Variants in RBFOX1 observed in about 807,000 individuals in gnomAD.
RBFOX1 encodes RNA binding fox-1 homolog 1.
A neutral mutation model predicts 57.7 loss-of-function variants in RBFOX1; 8 were observed. The observed-to-expected ratio is 0.14, with a 90% confidence interval of 0.08 to 0.25. The LOEUF (loss-of-function observed/expected upper bound fraction) is 0.25, where lower values mean the gene tolerates loss of function less well. RBFOX1 is among the 10% of genes least tolerant of loss of function. RBFOX1 has a pLI of 1.00. For synonymous variants in RBFOX1, 326 were observed against 222.4 expected (o/e 1.47, Z -4.15); for missense variants, 611 against 548.5 (o/e 1.11, Z -1.14).
intron 3 of RBFOX1, among the ~76,000 whole-genome samples, chr16:6,857,282 G>A (rs574222748): frequency 6.6e-6 from 1 of 152,182 alleles, no homozygotes; most frequent in Admixed American, 6.5e-5. Context: ...AACTTATTAG[G>A]AAGAATCCCA....
intron 4 of RBFOX1, among the ~76,000 whole-genome samples, chr16:7,330,516 GTGTGTGTGT>G (rs2096673958): frequency 8.0e-6 from 1 of 124,568 alleles, no homozygotes; most frequent in African/African-American, 3.6e-5. Flanking sequence ...GTGTTTGTGT[GTGTGTGTGT>G]AGAGAGAGAG....
At chr16:6,655,483 G>T (rs1272209218) in intron 3 of RBFOX1, among the ~76,000 whole-genome samples, 3 of 150,378 alleles carry the variant, frequency 2.0e-5, no homozygotes, top group Non-Finnish European at 4.4e-5. Flanking sequence ...TAAGGGGGTA[G>T]GGGGCAATGC....
At chr16:6,318,756 G>C (rs1489746806) in intron 2 of RBFOX1, among the ~76,000 whole-genome samples, 1 of 151,896 alleles carries the variant, frequency 6.6e-6, no homozygotes, top group East Asian at 1.9e-4. Context: ...TCTAAAGAGA[G>C]ACATTAAAAA....
chr16:5,790,344 G>A (rs545922111), intron 3 of RBFOX1, among the ~76,000 whole-genome samples: 7 of 152,146 alleles, frequency 4.6e-5, no homozygotes, highest in Non-Finnish European at 8.8e-5. Flanking sequence ...AGAAACCCCT[G>A]CATTTTCCAT....
At chr16:6,985,499 T>C (rs990982176) in intron 3 of RBFOX1, among the ~76,000 whole-genome samples, 33 of 152,056 alleles carry the variant, frequency 2.2e-4, no homozygotes, top group African/African-American at 7.7e-4. Flanking sequence ...ATTAATTAAC[T>C]AAAGAACACT....
chr16:6,777,079 C>A (rs749206189), intron 3 of RBFOX1, among the ~76,000 whole-genome samples: 6 of 152,004 alleles, frequency 3.9e-5, no homozygotes, highest in Non-Finnish European at 8.8e-5. Flanking sequence ...CTGTGTTAAC[C>A]GTGTTGTATA....
intron 1 of RBFOX1, among the ~76,000 whole-genome samples, chr16:6,294,081 C>G (rs1303529758): frequency 6.6e-6 from 1 of 152,188 alleles, no homozygotes; most frequent in East Asian, 1.9e-4. Flanking sequence ...ACTCAGGAGG[C>G]TGAGACAGGA....
intron 3 of RBFOX1, among the ~76,000 whole-genome samples, chr16:5,822,313 C>T (rs1012739612): frequency 7.9e-5 from 12 of 152,118 alleles, no homozygotes; most frequent in Non-Finnish European, 8.8e-5. Flanking sequence ...GGATAAAAGA[C>T]AACAAATATG....
At chr16:6,332,071 G>A (rs978255568) in intron 2 of RBFOX1, among the ~76,000 whole-genome samples, 3 of 152,188 alleles carry the variant, frequency 2.0e-5, no homozygotes, top group Non-Finnish European at 4.4e-5. Flanking sequence ...GTGTGAGGTA[G>A]CAGGAAAATA....
In RBFOX1 at chr16:7,272,609, C is replaced by T. The variant is rs143323268; in HGVS notation, c.27+220511C>T. 2.6e-5 allele frequency among the ~76,000 whole-genome samples: 4 copies of T among 152,256 alleles called. No homozygotes were observed. In the East Asian group the frequency reaches 5.8e-4, roughly 22 times the overall value. ...AGGACAGGAAAGCAGTGCTGAGCAG[C>T]CAGGCCTCTGGATCCTTCTTCTCCA... On this transcript the variant is annotated intron_variant, in intron 4 of 15. Transcript: ENST00000550418.
chr16:5,475,738 C>T lies in RBFOX1; in HGVS notation c.258+8484C>T, dbSNP rs561667665. 5.3e-5 allele frequency among the ~76,000 whole-genome samples: 8 copies of T among 152,278 alleles called. No individual in the cohort carries two copies. The East Asian group carries it at 1.5e-3, about 29-fold the overall frequency. On this transcript the variant is annotated intron_variant, in intron 2 of 2. Coordinates refer to the RBFOX1 transcript ENST00000585867. ...GAGTCTTTGAGGTTTCATAAGATGCCTACAGCCACATATCTGAGGAAGTGG... is the reference window on the plus strand; with the variant it reads ...GAGTCTTTGAGGTTTCATAAGATGCTTACAGCCACATATCTGAGGAAGTGG...
chr16:6,714,515 G>T (rs948762977), intron 3 of RBFOX1, among the ~76,000 whole-genome samples: 9 of 152,138 alleles, frequency 5.9e-5, no homozygotes, highest in Non-Finnish European at 1.0e-4. Context: ...CCAAGGGCAG[G>T]GGGCCTGGGG....
At chr16:7,540,736 C>T (rs1476963513) in intron 5 of RBFOX1, among the ~76,000 whole-genome samples, 7 of 152,144 alleles carry the variant, frequency 4.6e-5, no homozygotes, top group Admixed American at 4.6e-4. Context: ...AATTAAACAC[C>T]TATGAGATTC....
intron 4 of RBFOX1, among the ~76,000 whole-genome samples, chr16:7,239,212 G>C (rs2093933256): frequency 6.6e-6 from 1 of 152,244 alleles, no homozygotes; most frequent in Non-Finnish European, 1.5e-5. Context: ...GTGGGTGCCA[G>C]GATGCCCAGG....
intron 2 of RBFOX1, among the ~76,000 whole-genome samples, chr16:6,393,188 C>T (rs915774233): frequency 1.3e-5 from 2 of 152,222 alleles, no homozygotes; most frequent in South Asian, 2.1e-4. Context: ...ACCCCTCCAT[C>T]TGTAGATGCT....
rs557984231 is a variant in RBFOX1 at position 6,169,744 on chromosome 16, G to A, written c.-126-147251G>A. Among the ~76,000 whole-genome samples, 4 of 152,280 alleles carry A rather than the reference G, an allele frequency of 2.6e-5. No homozygotes were observed. The East Asian group carries it at 5.8e-4, about 22-fold the overall frequency. On this transcript the variant is annotated intron_variant, in intron 1 of 15. Transcript: ENST00000550418. ...TGGCCAAGACTCAGTTGTTGTTACA[G>A]GCACATGCTCCTAAGTTAGGTTTTC... is the stretch of plus-strand genomic sequence containing the variant.
At chr16:6,471,484 A>G (rs1390785894) in intron 2 of RBFOX1, among the ~76,000 whole-genome samples, 1 of 152,024 alleles carries the variant, frequency 6.6e-6, no homozygotes, top group Non-Finnish European at 1.5e-5. Flanking sequence ...CTGGAATGCA[A>G]TGGGCATTCA....
chr16:5,622,449 G>A (rs1458007765), intron 3 of RBFOX1, among the ~76,000 whole-genome samples: 1 of 152,138 alleles, frequency 6.6e-6, no homozygotes, highest in Non-Finnish European at 1.5e-5. Flanking sequence ...AATAATTGCT[G>A]GATGAATAAA....
At position 7,203,014 on chromosome 16, in the gene RBFOX1, C is replaced by T. The variant is rs139822261; in HGVS notation, c.27+150916C>T. ...TGTGAGCCAGGATGGTCTGGATCTC[C>T]TGACCTCGTGATCCGCCTGCCTCGG... On this transcript the variant is annotated intron_variant, in intron 4 of 15. Coordinates refer to ENST00000550418, the MANE Select transcript of RBFOX1 (RefSeq NM_018723.4). Among the ~76,000 whole-genome samples, 307 of 152,222 alleles carry T rather than the reference C, an allele frequency of 2.0e-3. 1 individual carries two copies. The highest frequency in any genetic ancestry group is 7.0e-3 in the African/African-American group (289 of 41,534).
Sources: gnomAD v4.1 joint callset for allele counts (sites outside exome capture counted in the v4.1 genomes callset) on GRCh38, gnomAD v4.1.1 for gene constraint, MANE v1.5 for transcripts, NCBI Gene and HGNC (gene_info 2026-07-23, HGNC 2026-07-21) for gene names.